PLEKHM3: variants seen among roughly 807,000 people sequenced by gnomAD.
PLEKHM3 encodes the protein pleckstrin homology domain-containing family M member 3.
A neutral mutation model predicts 81.8 loss-of-function variants in PLEKHM3; 45 were observed. The observed-to-expected ratio is 0.55, with a 90% CI of 0.43 to 0.71. The LOEUF (loss-of-function observed/expected upper bound fraction) is 0.71. Among genes scored for constraint, PLEKHM3 ranks in the 30% least tolerant of loss-of-function variants. The pLI is 0.00. For synonymous variants in PLEKHM3, 352 were observed against 356.4 expected (o/e 0.99, Z 0.14); for missense variants, 788 against 924.3 (o/e 0.85, Z 1.91).
intron 2 of PLEKHM3, among the ~76,000 whole-genome samples, chr2:207,985,961 C>T (rs1478441596): frequency 4.0e-5 from 6 of 148,988 alleles, no homozygotes; most frequent in Admixed American, 2.0e-4. Flanking sequence ...GCACTCCAGC[C>T]TGGGCAACAG....
chr2:208,018,671 G>A (rs2362783), intron 1 of PLEKHM3, among the ~76,000 whole-genome samples: 98,588 of 151,994 alleles, frequency 0.65, 32,987 homozygotes, highest in Non-Finnish European at 0.73. Context: ...CCACCATCCA[G>A]TCTTCTTCCT....
chr2:207,983,493 A>G (rs903360338), intron 2 of PLEKHM3, among the ~76,000 whole-genome samples: 2 of 152,078 alleles, frequency 1.3e-5, no homozygotes, highest in African/African-American at 4.8e-5. Context: ...ACAGAGTATC[A>G]CCATTTCCCC....
intron 7 of PLEKHM3, 52 bp from the exon 8 acceptor site, chr2:207,828,548 C>A (rs772455159): frequency 7.7e-6 from 12 of 1,566,528 alleles, no homozygotes; most frequent in Non-Finnish European, 1.0e-5. Context: ...CAGCAAGACA[C>A]AAATGGGAAG....
At chr2:207,953,837 A>T (rs901500842) in intron 3 of PLEKHM3, among the ~76,000 whole-genome samples, 1 of 152,032 alleles carries the variant, frequency 6.6e-6, no homozygotes, top group African/African-American at 2.4e-5. Context: ...AAAAAAAAAA[A>T]AAAGAATAAA....
intron 4 of PLEKHM3, among the ~76,000 whole-genome samples, chr2:207,932,604 A>G (rs1281259352): frequency 6.6e-6 from 1 of 152,260 alleles, no homozygotes; most frequent in African/African-American, 2.4e-5. Flanking sequence ...CTCACTGTGT[A>G]GTATGAGACA....
intron 7 of PLEKHM3, among the ~76,000 whole-genome samples, chr2:207,841,157 T>C (rs2092349086): frequency 6.6e-6 from 1 of 151,722 alleles, no homozygotes; most frequent in African/African-American, 2.4e-5. Flanking sequence ...AGAAAGTCCT[T>C]TCACACTTTA....
chr2:207,947,462 T>C (rs1323937729), intron 3 of PLEKHM3, among the ~76,000 whole-genome samples: 1 of 152,220 alleles, frequency 6.6e-6, no homozygotes, highest in African/African-American at 2.4e-5. Context: ...AGAACTACCT[T>C]CTACTGAGTA....
intron 1 of PLEKHM3, among the ~76,000 whole-genome samples, chr2:208,016,525 T>C (rs1293450729): frequency 6.6e-6 from 1 of 151,352 alleles, no homozygotes; most frequent in Admixed American, 6.6e-5. Flanking sequence ...GGCGCATGGC[T>C]GTGGTCCCAG....
intron 6 of PLEKHM3, among the ~76,000 whole-genome samples, chr2:207,872,995 C>T (rs1392370064): frequency 6.6e-6 from 1 of 151,816 alleles, no homozygotes; most frequent in African/African-American, 2.4e-5. Context: ...TTTTCAGAAA[C>T]AGAGGAAAAA....
rs561928839 is a variant in PLEKHM3, at chr2:207,824,714, C to A, written c.*3605G>T. On this transcript the variant is annotated 3_prime_UTR_variant, in exon 8 of 8. Transcript: ENST00000427836. ...AGTGTGTACACACAACACACAGAGA[C>A]AAAAACAGAGGCCAGGCTCCGTCAG... The A allele has an allele frequency of 7.2e-5, 11 of 152,352 alleles. No individual in the cohort carries two copies. The East Asian group carries it at 1.9e-3, about 27-fold the overall frequency. 9.4% of individuals were successfully genotyped at this position (152,352 alleles called of 1,614,324 possible). A position where few individuals can be genotyped will look rare whatever the true frequency, so the allele number is the denominator to read the frequency against.
Position 207,825,127 on chromosome 2 carries a change from C to T in PLEKHM3, c.*3192G>A, listed in dbSNP as rs929193514. On this transcript the variant is annotated 3_prime_UTR_variant, in exon 8 of 8. Transcript: ENST00000427836. ...TTGGAAAAAGCGGGCCTGGAAAGAA[C>T]ACTACCCCCATTCCAGTTGACGGCT... The T allele has an allele frequency of 1.3e-5, 2 of 152,158 alleles. No homozygotes were observed. The highest frequency in any genetic ancestry group is 4.8e-5 in the African/African-American group (2 of 41,426). The allele number at this position is 152,158 out of a possible 1,614,324, so 9.4% of individuals were successfully genotyped here. A position where few individuals can be genotyped will look rare whatever the true frequency, so the allele number is the denominator to read the frequency against.
intron 3 of PLEKHM3, among the ~76,000 whole-genome samples, chr2:207,961,058 CTG>C (rs535391878): frequency 1.1e-3 from 160 of 152,352 alleles, no homozygotes; most frequent in African/African-American, 3.6e-3. Flanking sequence ...ACCCACAAGA[CTG>C]TGAAAAGGCT....
At chr2:207,868,045 A>G (rs1015841155) in intron 6 of PLEKHM3, among the ~76,000 whole-genome samples, 1 of 152,170 alleles carries the variant, frequency 6.6e-6, no homozygotes, top group Admixed American at 6.5e-5. Context: ...AGTACACAAC[A>G]GTGAGAAAAG....
At chr2:207,865,801 A>AAAAAAAAAAAAAAAAAAATATATATAT in intron 6 of PLEKHM3, among the ~76,000 whole-genome samples, 1 of 25,300 alleles carries the variant, frequency 4.0e-5, no homozygotes, top group Non-Finnish European at 7.6e-5. Context: ...AAAAAAAAAA[A>AAAAAAAAAAAAAAAAAAATATATATAT]AGATATATAT....
intron 6 of PLEKHM3, among the ~76,000 whole-genome samples, chr2:207,887,338 C>A (rs1431056422): frequency 6.6e-6 from 1 of 152,166 alleles, no homozygotes; most frequent in East Asian, 1.9e-4. Flanking sequence ...TGACCAACAG[C>A]AAGTCTGAAT....
chr2:207,895,214 G>A (rs1688183650), intron 6 of PLEKHM3, among the ~76,000 whole-genome samples: 1 of 152,122 alleles, frequency 6.6e-6, no homozygotes, highest in African/African-American at 2.4e-5. Context: ...TCTTGGCTAA[G>A]TGCTGTAAAA....
chr2:207,935,831 A>G (rs1044526193), intron 4 of PLEKHM3, among the ~76,000 whole-genome samples: 4 of 152,216 alleles, frequency 2.6e-5, no homozygotes, highest in African/African-American at 7.2e-5. Context: ...TCCATCTTAC[A>G]GCAAGTAGGC....
At chr2:207,923,905 A>ATATTTTTTTT (rs1396762429) in intron 5 of PLEKHM3, among the ~76,000 whole-genome samples, 15 of 28,328 alleles carry the variant, frequency 5.3e-4, no homozygotes, top group East Asian at 9.1e-4. Context: ...ATATATATAT[A>ATATTTTTTTT]TTTTTTTTTT....
chr2:207,906,290 A>T (rs1688607319), intron 6 of PLEKHM3, among the ~76,000 whole-genome samples: 1 of 152,216 alleles, frequency 6.6e-6, no homozygotes, highest in African/African-American at 2.4e-5. Context: ...CAACAATTTT[A>T]AGTAAAAATA....
Sources: gnomAD v4.1 joint callset for allele counts (sites outside exome capture counted in the v4.1 genomes callset) on GRCh38, gnomAD v4.1.1 for gene constraint, MANE v1.5 for transcripts, NCBI Gene and HGNC (gene_info 2026-07-23, HGNC 2026-07-21) for gene names.